AHCYL2: variants seen among roughly 807,000 people sequenced by gnomAD.
The protein encoded by AHCYL2 is adenosylhomocysteinase like 2.
AHCYL2 carries 28 observed loss-of-function variants against 81.4 expected under a neutral mutation model. The observed-to-expected ratio is 0.34, with a 90% CI of 0.25 to 0.47. AHCYL2 has a LOEUF of 0.47. AHCYL2 is among the 20% of genes least tolerant of loss of function. The pLI is 1.00. For synonymous variants in AHCYL2, 272 were observed against 290.2 expected (o/e 0.94, Z 0.64); for missense variants, 551 against 785.1 (o/e 0.70, Z 3.56).
At chr7:129,320,496 T>C (rs531137094) in intron 1 of AHCYL2, among the ~76,000 whole-genome samples, 1 of 152,302 alleles carries the variant, frequency 6.6e-6, no homozygotes, top group South Asian at 2.1e-4. Flanking sequence ...TTTGTATTTT[T>C]AGTAGAGATG....
chr7:129,275,036 A>G (rs779939871), intron 1 of AHCYL2, among the ~76,000 whole-genome samples: 1 of 152,124 alleles, frequency 6.6e-6, no homozygotes, highest in Non-Finnish European at 1.5e-5. Context: ...TAATAAAATG[A>G]TTATTGTTTA....
chr7:129,341,990 G>A (rs1489378568), intron 1 of AHCYL2, among the ~76,000 whole-genome samples: 1 of 152,108 alleles, frequency 6.6e-6, no homozygotes, highest in Non-Finnish European at 1.5e-5. Flanking sequence ...TCAGAAGAAT[G>A]GTTTATCTCC....
intron 1 of AHCYL2, among the ~76,000 whole-genome samples, chr7:129,365,872 A>G (rs147311858): frequency 6.6e-6 from 1 of 151,952 alleles, no homozygotes; most frequent in Non-Finnish European, 1.5e-5. Context: ...TGAGGAGAAG[A>G]AAGTGTTGTT....
chr7:129,376,381 C>G (rs1794690771), intron 1 of AHCYL2, among the ~76,000 whole-genome samples: 2 of 152,202 alleles, frequency 1.3e-5, no homozygotes, highest in South Asian at 4.1e-4. Context: ...TAATCTCACT[C>G]TAATATTTTT....
chr7:129,378,696 C>T lies in AHCYL2; in HGVS notation c.364-942C>T, dbSNP rs542412827. ...TTACCATTTCCTGAGATTCTTGAAA[C>T]CTGAATGCAAGTGATTTTGCCTTCC... On this transcript the variant is annotated intron_variant, in intron 1 of 16. Transcript: ENST00000325006. Among the ~76,000 whole-genome samples, 5 of 152,298 alleles carry T rather than the reference C, an allele frequency of 3.3e-5. No individual in the cohort carries two copies. In the South Asian group the frequency reaches 1.0e-3, roughly 32 times the overall value.
At chr7:129,399,983 C>G (rs1795950635) in intron 5 of AHCYL2, among the ~76,000 whole-genome samples, 1 of 152,176 alleles carries the variant, frequency 6.6e-6, no homozygotes, top group Non-Finnish European at 1.5e-5. Flanking sequence ...ACCTCAGCCT[C>G]CCAAGGTGCT....
chr7:129,313,228 A>G (rs1303640548), intron 1 of AHCYL2, among the ~76,000 whole-genome samples: 3 of 152,228 alleles, frequency 2.0e-5, no homozygotes, highest in Non-Finnish European at 4.4e-5. Flanking sequence ...AGGATTCAGA[A>G]ATTGAAGAAA....
At chr7:129,370,295 A>T (rs1002871228) in intron 1 of AHCYL2, among the ~76,000 whole-genome samples, 5 of 152,224 alleles carry the variant, frequency 3.3e-5, no homozygotes. Context: ...AGTTGGTGTG[A>T]CCACTGCATA....
chr7:129,326,431 G>A (rs1798228438), intron 1 of AHCYL2, among the ~76,000 whole-genome samples: 1 of 152,018 alleles, frequency 6.6e-6, no homozygotes, highest in African/African-American at 2.4e-5. Context: ...GGAGGCAGAG[G>A]CAGAAGAATC....
At chr7:129,330,696 C>T (rs1319848345) in intron 1 of AHCYL2, among the ~76,000 whole-genome samples, 2 of 151,376 alleles carry the variant, frequency 1.3e-5, no homozygotes, top group Non-Finnish European at 2.9e-5. Flanking sequence ...CTCCCGACCT[C>T]GTGATCCACC....
intron 6 of AHCYL2, among the ~76,000 whole-genome samples, chr7:129,403,024 T>C (rs1796107977): frequency 6.6e-6 from 1 of 152,212 alleles, no homozygotes; most frequent in African/African-American, 2.4e-5. Context: ...TTAGGCTTTC[T>C]GAATACCTAT....
intron 1 of AHCYL2, among the ~76,000 whole-genome samples, chr7:129,266,869 G>A (rs1563172893): frequency 6.6e-6 from 1 of 152,122 alleles, no homozygotes; most frequent in African/African-American, 2.4e-5. Flanking sequence ...AGATGATTTT[G>A]TATGACTAAC....
At chr7:129,357,476 A>T (rs970234854) in intron 1 of AHCYL2, among the ~76,000 whole-genome samples, 2 of 152,214 alleles carry the variant, frequency 1.3e-5, no homozygotes, top group Admixed American at 6.5e-5. Flanking sequence ...CCACAGAGGG[A>T]GAGAAGTTGT....
At chr7:129,356,000 A>C (rs78957781) in intron 1 of AHCYL2, among the ~76,000 whole-genome samples, 5,824 of 152,238 alleles carry the variant, frequency 0.038, 115 homozygotes, top group Middle Eastern at 0.078. Flanking sequence ...TAAGGATATA[A>C]ATTGCTGGAT....
At chr7:129,334,812 A>G (rs1389535573) in intron 1 of AHCYL2, among the ~76,000 whole-genome samples, 1 of 152,202 alleles carries the variant, frequency 6.6e-6, no homozygotes, top group African/African-American at 2.4e-5. Flanking sequence ...GATTAATATC[A>G]TTTTGGCTGC....
intron 1 of AHCYL2, among the ~76,000 whole-genome samples, chr7:129,354,406 C>T (rs1180947031): frequency 6.6e-6 from 1 of 152,024 alleles, no homozygotes; most frequent in Non-Finnish European, 1.5e-5. Context: ...ATGTTATAGC[C>T]AGACATTTGA....
chr7:129,413,558 C>T (rs751081502), intron 11 of AHCYL2, 36 bp from the exon 12 acceptor site: 3 of 1,477,978 alleles, frequency 2.0e-6, no homozygotes, highest in Admixed American at 3.4e-5. Context: ...GATTATCTTT[C>T]TCCACTGCTG....
chr7:129,261,904 C>T (rs868858513), intron 1 of AHCYL2, among the ~76,000 whole-genome samples: 5 of 152,114 alleles, frequency 3.3e-5, no homozygotes, highest in African/African-American at 1.2e-4. Context: ...CATTTGCATT[C>T]TCTTTTCAGT....
Position 129,225,428 on chromosome 7 carries a change from A to T in AHCYL2, c.352A>T (p.Thr118Ser). ...CGGCACCGTCACCGAGGCGCCGCGC[A>T]CAGTCAAGAAGGTACTGGGGCCGGG... ...PDGTVTEAPR[T>S]VKKQIQFADQ... Residue 118 changes from threonine (T) to serine (S), a missense_variant, in exon 1 of 17, where the codon ACA (threonine) becomes TCA (serine). By Grantham distance (58) the Thr-to-Ser change is moderately conservative. Around this residue, in one of 2 missense-constraint regions of AHCYL2, gnomAD observed 235 missense variants for 242.1 expected, o/e 0.97. Coordinates refer to ENST00000325006, the MANE Select transcript of AHCYL2 (RefSeq NM_015328.4). 3 of 1,514,958 alleles carry T rather than the reference A, an allele frequency of 2.0e-6. No individual in the cohort carries two copies. The highest frequency in any genetic ancestry group is 2.6e-6 in the Non-Finnish European group (3 of 1,137,226). The allele number at this position is 1,514,958 out of a possible 1,614,324, so 93.8% of individuals were successfully genotyped here. A position where few individuals can be genotyped will look rare whatever the true frequency, so the allele number is the denominator to read the frequency against.
Sources: gnomAD v4.1 joint callset for allele counts (sites outside exome capture counted in the v4.1 genomes callset) on GRCh38, gnomAD v4.1.1 for gene constraint, gnomAD v4.1.1 regional missense constraint, MANE v1.5 for transcripts, NCBI Gene and HGNC (gene_info 2026-07-23, HGNC 2026-07-21) for gene names.